The following ATP11B variants were observed in gnomAD, a reference collection of about 807,000 sequenced individuals.
ATP11B encodes the protein phospholipid-transporting ATPase IF.
A neutral mutation model predicts 157.8 loss-of-function variants in ATP11B; 81 were observed. The ratio of observed to expected loss-of-function variants is 0.51; its 90% CI spans 0.43 to 0.62. ATP11B has a LOEUF of 0.62. Among genes scored for constraint, ATP11B ranks in the 20% least tolerant of loss-of-function variants. The pLI is 0.00. For synonymous variants in ATP11B, 451 were observed against 469.4 expected, an observed-to-expected ratio of 0.96 and a Z score of 0.51; for missense variants, 1,165 against 1,402.2, an observed-to-expected ratio of 0.83 and a Z score of 2.70.
intron 1 of ATP11B, among the ~76,000 whole-genome samples, chr3:182,812,806 T>C (rs575868401): frequency 6.6e-6 from 1 of 152,324 alleles, no homozygotes; most frequent in East Asian, 1.9e-4. Context: ...TATATAATCA[T>C]TACCACCATC....
chr3:182,873,296 C>T (rs1247545021), intron 18 of ATP11B, among the ~76,000 whole-genome samples: 5 of 152,158 alleles, frequency 3.3e-5, no homozygotes, highest in Admixed American at 1.3e-4. Context: ...GCCTCCACCA[C>T]CTAGACCTAA....
chr3:182,844,087 A>C (rs531885942), intron 8 of ATP11B: 16 of 152,350 alleles, frequency 1.1e-4, no homozygotes, highest in African/African-American at 3.6e-4. Flanking sequence ...TGGTTAAAAA[A>C]ATGAACCATG....
chr3:182,832,037 T>C (rs1269285417), intron 4 of ATP11B, among the ~76,000 whole-genome samples: 1 of 152,184 alleles, frequency 6.6e-6, no homozygotes, highest in Admixed American at 6.5e-5. Flanking sequence ...CTTGTCCTTA[T>C]TTCCCAATGT....
At chr3:182,915,446 A>G (rs1725075136) in intron 29 of ATP11B, 1 of 985,278 alleles carries the variant, frequency 1.0e-6, no homozygotes, top group Non-Finnish European at 1.2e-6. Flanking sequence ...TAGGCCAGCA[A>G]ATTTCCCAAA....
At chr3:182,831,470 C>G (rs755536454) in intron 4 of ATP11B, among the ~76,000 whole-genome samples, 4 of 152,148 alleles carry the variant, frequency 2.6e-5, no homozygotes, top group African/African-American at 2.4e-5. Context: ...AGCTACTGAA[C>G]AGTAGCTTTG....
chr3:182,887,712 C>T lies in ATP11B; in HGVS notation c.2842C>T (p.Arg948Ter). The change falls in exon 24 of 30, where the codon CGA becomes TGA. Residue 948 changes from arginine (R) to a stop codon, truncating the protein, a stop_gained and splice_region_variant. Transcript: ENST00000323116. LOFTEE classifies it high-confidence loss of function. ...GTTACAAAATAAGCCCACCCTTTAT[C>T]GGTAAGTATTTTCTGGTATTAAATG... ...HVLQNKPTLY[R>*]DISKNRLLSI... 4 of 1,607,214 alleles carry T rather than the reference C, an allele frequency of 2.5e-6. No individual in the cohort carries two copies. Among genetic ancestry groups the T allele is most frequent in the South Asian group, 1.1e-5 (1 of 89,160 alleles).
chr3:182,882,504 T>A (rs1369829975), intron 21 of ATP11B, among the ~76,000 whole-genome samples: 2 of 151,602 alleles, frequency 1.3e-5, no homozygotes, highest in African/African-American at 4.8e-5. Context: ...TGGTTAGTGA[T>A]TTGAAAAAAA....
At chr3:182,889,347 A>C in intron 24 of ATP11B, 63 bp from the exon 25 acceptor site, 1 of 1,173,264 alleles carries the variant, frequency 8.5e-7, no homozygotes, top group Non-Finnish European at 1.2e-6. Context: ...TATTATATTA[A>C]TTGTTTAGTG....
At chr3:182,851,379 C>T (rs1420491503) in intron 10 of ATP11B, among the ~76,000 whole-genome samples, 1 of 152,086 alleles carries the variant, frequency 6.6e-6, no homozygotes, top group Admixed American at 6.6e-5. Context: ...TTTTCCATTG[C>T]CTTCAGCTCA....
At chr3:182,845,910 ACATT>A (rs1296522886) in intron 9 of ATP11B, among the ~76,000 whole-genome samples, 3 of 152,224 alleles carry the variant, frequency 2.0e-5, no homozygotes, top group African/African-American at 7.2e-5. Context: ...ATCCATTCAT[ACATT>A]CATTCAACAA....
rs1039338338 is a variant in ATP11B, at chr3:182,916,076, C to A, written c.3453-1947C>A. 5 of 985,158 alleles carry A rather than the reference C, an allele frequency of 5.1e-6. No individual in the cohort carries two copies. In the African/African-American group the frequency reaches 8.7e-5, roughly 17 times the overall value. 61.0% of individuals were successfully genotyped at this position (985,158 alleles called of 1,614,324 possible). Reference sequence around the variant, plus strand: ...AAAGTCATATAATAACACCAAGCTACCTGGTGCTTTTCAAGGGCTATGTGA... The same window carrying A: ...AAAGTCATATAATAACACCAAGCTAACTGGTGCTTTTCAAGGGCTATGTGA... On this transcript the variant is annotated intron_variant, in intron 29 of 29. Transcript: ENST00000323116.
intron 10 of ATP11B, among the ~76,000 whole-genome samples, chr3:182,851,080 G>A (rs1363262923): frequency 6.6e-6 from 1 of 152,174 alleles, no homozygotes; most frequent in Non-Finnish European, 1.5e-5. Flanking sequence ...ATCACTTGAA[G>A]TCAGGAGTTC....
chr3:182,857,439 C>T (rs1156289942), intron 10 of ATP11B, among the ~76,000 whole-genome samples: 2 of 152,054 alleles, frequency 1.3e-5, no homozygotes, highest in African/African-American at 4.8e-5. Context: ...AGTGAGCCAC[C>T]ACACCCAGCC....
At chr3:182,916,578 TTC>T (rs1725156566) in intron 29 of ATP11B, 1 of 985,264 alleles carries the variant, frequency 1.0e-6, no homozygotes, top group Non-Finnish European at 1.2e-6. Context: ...ATAAAAGATT[TTC>T]TGTTCGTGTA....
At chr3:182,878,788 TTGCTCA>T (rs556891863) in intron 19 of ATP11B, among the ~76,000 whole-genome samples, 1 of 152,220 alleles carries the variant, frequency 6.6e-6, no homozygotes, top group Non-Finnish European at 1.5e-5. Flanking sequence ...ATCGTGAATC[TTGCTCA>T]TGGGTTTTCC....
chr3:182,880,639 C>A (rs545759763), intron 20 of ATP11B, among the ~76,000 whole-genome samples: 3 of 152,128 alleles, frequency 2.0e-5, no homozygotes, highest in South Asian at 2.1e-4. Context: ...TTAAAAGATT[C>A]TTGTTTCTCA....
intron 28 of ATP11B, among the ~76,000 whole-genome samples, chr3:182,910,666 T>C (rs1389542709): frequency 6.6e-6 from 1 of 152,180 alleles, no homozygotes; most frequent in African/African-American, 2.4e-5. Context: ...CTTGCACATA[T>C]ATGGATACTC....
chr3:182,820,168 G>A (rs1175097815), intron 1 of ATP11B, 92 bp from the exon 2 acceptor site: 2 of 833,348 alleles, frequency 2.4e-6, no homozygotes, highest in Non-Finnish European at 4.1e-6. Context: ...AGTAATATAT[G>A]TAATCTGACC....
At position 182,835,241 on chromosome 3, in the gene ATP11B, G is replaced by A. The variant is rs373800533; in HGVS notation, c.316-794G>A. Among the ~76,000 whole-genome samples, 31 of 152,250 alleles carry A rather than the reference G, an allele frequency of 2.0e-4. No homozygotes were observed. In the Middle Eastern group the frequency reaches 0.014, roughly 67 times the overall value. On this transcript the variant is annotated intron_variant, in intron 4 of 29. Coordinates refer to ENST00000323116, the MANE Select transcript of ATP11B (RefSeq NM_014616.3). ...GTGGACCTGTGCAGTACAAACCTGT[G>A]TTGTTCAAGGGTCAACTGTACTAAT... is the stretch of plus-strand genomic sequence containing the variant.
Sources: gnomAD v4.1 joint callset for allele counts (sites outside exome capture counted in the v4.1 genomes callset) on GRCh38, gnomAD v4.1.1 for gene constraint, MANE v1.5 for transcripts, NCBI Gene and HGNC (gene_info 2026-07-23, HGNC 2026-07-21) for gene names.